The following WWOX variants were observed in gnomAD, a reference collection of about 807,000 sequenced individuals.
WWOX encodes WW domain-containing oxidoreductase.
In WWOX, 69 loss-of-function variants were observed where a neutral mutation model predicts 46.2. The ratio of observed to expected loss-of-function variants is 1.49; its 90% confidence interval spans 1.23 to 1.82. The LOEUF (loss-of-function observed/expected upper bound fraction) is 1.82. Among genes scored for constraint, WWOX ranks in the 40% most tolerant of loss-of-function variants. The probability of loss-of-function intolerance (pLI) is 0.00; values close to 1 mark genes in which losing one functional copy is unlikely to be tolerated. For missense variants in WWOX, 919 were observed against 542.6 expected (o/e 1.69, Z -6.89); for synonymous variants, 359 against 202.6 (o/e 1.77, Z -6.56).
At chr16:78,177,327 T>G (rs2035383743) in intron 5 of WWOX, among the ~76,000 whole-genome samples, 1 of 152,114 alleles carries the variant, frequency 6.6e-6, no homozygotes, top group Non-Finnish European at 1.5e-5. Flanking sequence ...GGTGGTAGAG[T>G]GGGTGACACA....
chr16:78,858,981 T>A lies in WWOX; in HGVS notation c.1057-352627T>A, dbSNP rs1431577546. ...GGTGTGAGCCACCACGGCTGGCCAATATCTACTAGTTTTGAAATTTAAAAA... is the reference window on the plus strand; with the variant it reads ...GGTGTGAGCCACCACGGCTGGCCAAAATCTACTAGTTTTGAAATTTAAAAA... On this transcript the variant is annotated intron_variant, in intron 8 of 8. Transcript: ENST00000566780. 4.1e-5 allele frequency among the ~76,000 whole-genome samples: 5 copies of A among 121,202 alleles called. No homozygotes were observed. The East Asian group carries it at 1.1e-3, about 27-fold the overall frequency. The allele number at this position is 121,202 out of a possible 152,430, so 79.5% of individuals were successfully genotyped here.
intron 8 of WWOX, among the ~76,000 whole-genome samples, chr16:78,876,675 C>A (rs1441133209): frequency 6.6e-6 from 1 of 152,080 alleles, no homozygotes; most frequent in Non-Finnish European, 1.5e-5. Context: ...TAAAGATTTG[C>A]CATTCTCAGA....
In WWOX at chr16:78,640,130, A is replaced by G. The variant is rs373696320; in HGVS notation, c.1056+207378A>G. On this transcript the variant is annotated intron_variant, in intron 8 of 8. Transcript: ENST00000566780. ...GAGTATTGAGAAGAAATGGATCTTC[A>G]GGTTTGGAGGGAGGCCGATAGAGAG... Among the ~76,000 whole-genome samples, 7 of 150,856 alleles carry G rather than the reference A, an allele frequency of 4.6e-5. No individual in the cohort carries two copies. In the East Asian group the frequency reaches 9.8e-4, roughly 21 times the overall value.
intron 1 of WWOX, among the ~76,000 whole-genome samples, chr16:78,104,123 A>C (rs989432270): frequency 3.3e-5 from 5 of 151,930 alleles, no homozygotes; most frequent in Admixed American, 2.0e-4. Context: ...GCCTCTTATG[A>C]AGCTCAGGCC....
chr16:79,034,642 T>G (rs1180620082), intron 8 of WWOX, among the ~76,000 whole-genome samples: 1 of 152,190 alleles, frequency 6.6e-6, no homozygotes, highest in Non-Finnish European at 1.5e-5. Flanking sequence ...CTTTTTGGTA[T>G]CCAACATCTT....
intron 8 of WWOX, among the ~76,000 whole-genome samples, chr16:78,900,377 CTG>C (rs1217189457): frequency 6.6e-6 from 1 of 152,280 alleles, no homozygotes; most frequent in Admixed American, 6.5e-5. Flanking sequence ...TTATTAAAAA[CTG>C]TGCATGTAAT....
chr16:78,453,422 C>CA (rs112120810), intron 8 of WWOX, among the ~76,000 whole-genome samples: 1,396 of 107,004 alleles, frequency 0.013, 12 homozygotes, highest in South Asian at 0.02. Flanking sequence ...GACTATGTCT[C>CA]AAAAAAAAAA....
intron 8 of WWOX, among the ~76,000 whole-genome samples, chr16:78,701,752 G>T (rs947631986): frequency 2.0e-5 from 3 of 151,970 alleles, no homozygotes; most frequent in African/African-American, 7.3e-5. Flanking sequence ...TTGGGACCCA[G>T]TTAAGCAGTG....
At chr16:78,831,368 G>C (rs2051819129) in intron 8 of WWOX, among the ~76,000 whole-genome samples, 1 of 152,216 alleles carries the variant, frequency 6.6e-6, no homozygotes, top group Admixed American at 6.5e-5. Context: ...TCCTATGGAA[G>C]TTTACATTTC....
At chr16:79,013,880 C>A (rs1410489816) in intron 8 of WWOX, among the ~76,000 whole-genome samples, 1 of 152,130 alleles carries the variant, frequency 6.6e-6, no homozygotes, top group African/African-American at 2.4e-5. Flanking sequence ...TGTTTGTAAT[C>A]ACATATTTTT....
intron 8 of WWOX, among the ~76,000 whole-genome samples, chr16:78,857,740 C>T (rs190165945): frequency 6.6e-6 from 1 of 152,232 alleles, no homozygotes; most frequent in Non-Finnish European, 1.5e-5. Context: ...AACTTTGACT[C>T]ATGCTCATAA....
intron 5 of WWOX, among the ~76,000 whole-genome samples, chr16:78,171,865 C>T (rs2035173460): frequency 6.6e-6 from 1 of 152,190 alleles, no homozygotes; most frequent in Non-Finnish European, 1.5e-5. Flanking sequence ...TGAAGTTCTT[C>T]TTTGGGGCGT....
intron 8 of WWOX, among the ~76,000 whole-genome samples, chr16:79,090,280 C>CGTGT (rs61538157): frequency 0.15 from 21,213 of 138,204 alleles, 1,643 homozygotes; most frequent in African/African-American, 0.2. Context: ...CTACTGTGTG[C>CGTGT]GTGTGTGTGT....
chr16:78,278,709 T>G (rs1480388480), intron 5 of WWOX: 2 of 1,527,800 alleles, frequency 1.3e-6, no homozygotes, highest in Admixed American at 3.5e-5. Context: ...TTACATCTTC[T>G]TTTGTGGGTA....
At chr16:79,033,302 G>A (rs1567502631) in intron 8 of WWOX, among the ~76,000 whole-genome samples, 1 of 147,354 alleles carries the variant, frequency 6.8e-6, no homozygotes, top group Non-Finnish European at 1.5e-5. Flanking sequence ...ACACACATAT[G>A]TATATATGTA....
rs145489237 is a variant in WWOX, at chr16:78,518,601, A to G, written c.1056+85849A>G. ...CATTTCTACACAATGGAAACTTATA[A>G]TTTTAGCCTTAGCAACATGTATTTA... On this transcript the variant is annotated intron_variant, in intron 8 of 8. Coordinates refer to ENST00000566780, the MANE Select transcript of WWOX (RefSeq NM_016373.4). Among the ~76,000 whole-genome samples, 5 of 152,274 alleles carry G rather than the reference A, an allele frequency of 3.3e-5. No homozygotes were observed. In the East Asian group the frequency reaches 9.7e-4, roughly 29 times the overall value.
chr16:78,600,483 C>T (rs950816731), intron 8 of WWOX, among the ~76,000 whole-genome samples: 4 of 152,142 alleles, frequency 2.6e-5, no homozygotes, highest in African/African-American at 7.2e-5. Context: ...TCTTTCCCCC[C>T]AACCCTCCGT....
chr16:79,044,316 T>C (rs1205892134), intron 8 of WWOX, among the ~76,000 whole-genome samples: 1 of 152,136 alleles, frequency 6.6e-6, no homozygotes, highest in Non-Finnish European at 1.5e-5. Flanking sequence ...TGCCCAAAGC[T>C]CATGTCAAAA....
At chr16:79,194,229 A>T (rs2051193626) in intron 8 of WWOX, among the ~76,000 whole-genome samples, 1 of 152,118 alleles carries the variant, frequency 6.6e-6, no homozygotes, top group Non-Finnish European at 1.5e-5. Flanking sequence ...AAATAATTTG[A>T]CTGGTCATTT....
Sources: gnomAD v4.1 joint callset for allele counts (sites outside exome capture counted in the v4.1 genomes callset) on GRCh38, gnomAD v4.1.1 for gene constraint, MANE v1.5 for transcripts, NCBI Gene and HGNC (gene_info 2026-07-23, HGNC 2026-07-21) for gene names.